The following FCRL5 variants were observed in gnomAD, a reference collection of about 807,000 sequenced individuals.
The protein encoded by FCRL5 is Fc receptor like 5.
Under a neutral mutation model 92.1 loss-of-function variants are expected in FCRL5, and 79 were observed. That is an observed-to-expected ratio of 0.86 (90% CI 0.72 to 1.03). The LOEUF (loss-of-function observed/expected upper bound fraction) is 1.03, where lower values mean the gene tolerates loss of function less well. Among genes scored for constraint, FCRL5 ranks in the 50% least tolerant of loss-of-function variants. The pLI is 0.00. For synonymous variants in FCRL5, 466 were observed against 469.3 expected (o/e 0.99, Z 0.09); for missense variants, 1,160 against 1,181.1 (o/e 0.98, Z 0.26).
intron 6 of FCRL5, among the ~76,000 whole-genome samples, chr1:157,539,981 A>C (rs1383309682): frequency 6.6e-6 from 1 of 152,236 alleles, no homozygotes; most frequent in Non-Finnish European, 1.5e-5. Context: ...TCTTTGGAGA[A>C]GGCAGGGAGC....
intron 8 of FCRL5, chr1:157,534,192 C>T: frequency 2.2e-6 from 1 of 462,758 alleles, no homozygotes; most frequent in South Asian, 2.1e-5. Flanking sequence ...TGTTCACCAG[C>T]AGCTTTCTCC....
intron 10 of FCRL5, chr1:157,523,990 A>C: frequency 4.5e-6 from 2 of 442,598 alleles, no homozygotes; most frequent in Non-Finnish European, 7.9e-6. Flanking sequence ...TTTCATTTTC[A>C]TGTAATAATT....
Position 157,520,562 on chromosome 1 carries a change from C to CT in FCRL5, c.2516-16dup. 1.3e-6 allele frequency: 2 copies of CT among 1,572,468 alleles called. No homozygotes were observed. On this transcript the variant is annotated splice_polypyrimidine_tract_variant and intron_variant, in intron 11 of 16. Coordinates refer to ENST00000361835, the MANE Select transcript of FCRL5 (RefSeq NM_031281.3). ...CGCGGTCAGCCCTGAGGGGGAGACC[C>CT]TGTGTGTGAGCCAGAGGAGAGGCTG...
In FCRL5 at chr1:157,513,842, T is replaced by G. The variant is rs1649813069; in HGVS notation, c.*1833A>C. On this transcript the variant is annotated 3_prime_UTR_variant, in exon 17 of 17. Coordinates refer to ENST00000361835, the MANE Select transcript of FCRL5 (RefSeq NM_031281.3). ...CCTCCAGAACAGACTGTGAGCAGAT[T>G]TTTTTCTTTAATCCTGAGCCTATGC... 1 of 152,212 alleles carries G rather than the reference T, an allele frequency of 6.6e-6. No homozygotes were observed. The highest frequency in any genetic ancestry group is 2.4e-5 in the African/African-American group (1 of 41,458). The allele number at this position is 152,212 out of a possible 1,614,324, so 9.4% of individuals were successfully genotyped here.
intron 7 of FCRL5, among the ~76,000 whole-genome samples, chr1:157,537,783 A>C (rs1651038898): frequency 6.6e-6 from 1 of 152,208 alleles, no homozygotes. Context: ...CACTTAGGGA[A>C]AATAGAAAAG....
At chr1:157,528,849 A>C (rs1450285379) in intron 8 of FCRL5, among the ~76,000 whole-genome samples, 1 of 152,226 alleles carries the variant, frequency 6.6e-6, no homozygotes, top group Non-Finnish European at 1.5e-5. Flanking sequence ...ACCTAAAACC[A>C]TATAAACCCT....
intron 8 of FCRL5, 84 bp downstream of exon 8, chr1:157,534,530 T>C (rs1160330049): frequency 6.6e-6 from 10 of 1,523,034 alleles, no homozygotes; most frequent in Admixed American, 1.7e-5. Context: ...GGGAGGAAAC[T>C]GGACAGTGCA....
chr1:157,532,413 A>C (rs988247672), intron 8 of FCRL5: 1 of 152,188 alleles, frequency 6.6e-6, no homozygotes, highest in African/African-American at 2.4e-5. Flanking sequence ...TTTGAAATCT[A>C]TTACTAATTT....
intron 3 of FCRL5, among the ~76,000 whole-genome samples, chr1:157,545,522 GTTTTTTTTT>G (rs754972248): frequency 1.2e-5 from 1 of 84,940 alleles, no homozygotes; most frequent in African/African-American, 5.0e-5. Flanking sequence ...TCTTTAATGA[GTTTTTTTTT>G]TTTTTTTTTT....
At chr1:157,535,422 C>A (rs1650926165) in intron 7 of FCRL5, among the ~76,000 whole-genome samples, 1 of 152,188 alleles carries the variant, frequency 6.6e-6, no homozygotes, top group South Asian at 2.1e-4. Context: ...TCAGACAATT[C>A]AAAAACAACT....
chr1:157,521,403 T>C (rs1340079675), intron 10 of FCRL5, 111 bp from the exon 11 acceptor site: 4 of 1,298,078 alleles, frequency 3.1e-6, no homozygotes, highest in South Asian at 1.6e-5. Context: ...GGAAAGTAGA[T>C]TAAAACATAG....
At position 157,515,860 on chromosome 1, in the gene FCRL5, G is replaced by A. The variant is rs1169491315; in HGVS notation, c.2826C>T (p.Pro942=). The change falls in exon 16 of 17, where the codon CCC becomes CCT. Residue 942 remains proline (P), a synonymous_variant. Coordinates refer to ENST00000361835, the MANE Select transcript of FCRL5 (RefSeq NM_031281.3). ...GACTCACCTTGTTCCTGAGATGCCT[G>A]GGGTCAGAGGCCACTGTGGAAAGAG... is the stretch of plus-strand genomic sequence containing the variant. ...EKKKHAVASD[P]RHLRNKGSPI... The A allele has an allele frequency of 6.2e-7, 1 of 1,613,952 alleles. No individual in the cohort carries two copies. The highest frequency in any genetic ancestry group is 1.7e-5 in the Admixed American group (1 of 60,034).
At chr1:157,527,477 G>T in intron 9 of FCRL5, 140 bp downstream of exon 9, 1 of 770,204 alleles carries the variant, frequency 1.3e-6, no homozygotes, top group Non-Finnish European at 2.0e-6. Flanking sequence ...AAAACTTAGA[G>T]ATGGAGGCTG....
chr1:157,529,758 T>C (rs1295138162), intron 8 of FCRL5, among the ~76,000 whole-genome samples: 1 of 152,170 alleles, frequency 6.6e-6, no homozygotes, highest in Non-Finnish European at 1.5e-5. Context: ...CAGTGGGAGC[T>C]AAGCTATGAG....
In FCRL5 at chr1:157,527,758, G is replaced by C; in HGVS notation, c.1819C>G (p.Leu607Val). 3 of 1,614,184 alleles carry C rather than the reference G, an allele frequency of 1.9e-6. No homozygotes were observed. The highest frequency in any genetic ancestry group is 2.5e-6 in the Non-Finnish European group (3 of 1,180,034). ...LYWFYHEDVT[L>V]GSSSAPSGGE... Reference sequence around the variant, plus strand: ...CCAGAGGGGGCTGAGCTGCTCCCCAGGGTGACATCCTCATGATAAAACCAG... The same window carrying C: ...CCAGAGGGGGCTGAGCTGCTCCCCACGGTGACATCCTCATGATAAAACCAG... The change falls in exon 9 of 17, where the codon CTG becomes GTG. Residue 607 changes from leucine to valine, a missense_variant. By Grantham distance (32) the Leu-to-Val change is conservative. Transcript: ENST00000361835.
intron 4 of FCRL5, 44 bp downstream of exon 4, chr1:157,544,787 T>C: frequency 6.2e-7 from 1 of 1,610,890 alleles, no homozygotes; most frequent in Non-Finnish European, 8.5e-7. Flanking sequence ...CCCCAAGGAA[T>C]CTCCTTTTGA....
At chr1:157,519,414 G>A (rs1008230354) in intron 13 of FCRL5, among the ~76,000 whole-genome samples, 1 of 152,212 alleles carries the variant, frequency 6.6e-6, no homozygotes, top group African/African-American at 2.4e-5. Context: ...TAGGTTGACT[G>A]AGCTAAGGTC....
chr1:157,524,136 A>C, intron 10 of FCRL5, 143 bp downstream of exon 10: 1 of 750,716 alleles, frequency 1.3e-6, no homozygotes, highest in Non-Finnish European at 2.2e-6. Flanking sequence ...AGACTTTCAC[A>C]GGGAGGTTCT....
chr1:157,518,706 T>C lies in FCRL5; in HGVS notation c.2737A>G (p.Thr913Ala), dbSNP rs1650044722. 5.6e-6 allele frequency: 9 copies of C among 1,612,526 alleles called. No homozygotes were observed. Among genetic ancestry groups the C allele is most frequent in the Non-Finnish European group, 7.6e-6 (9 of 1,179,532 alleles). Reference sequence around the variant, plus strand: ...CAGGATCCTCGGGCCTCACCATTAGTGTACACTGGTTGCAGCTCTTCCCAG... The same window carrying C: ...CAGGATCCTCGGGCCTCACCATTAGCGTACACTGGTTGCAGCTCTTCCCAG... ...PAWEELQPVYTNANPRGENVV... is the reference protein window; with the variant it reads ...PAWEELQPVYANANPRGENVV... The change falls in exon 14 of 17, where the codon ACT becomes GCT. Residue 913 changes from threonine (T) to alanine (A), a missense_variant. Coordinates refer to ENST00000361835, the MANE Select transcript of FCRL5 (RefSeq NM_031281.3).
Sources: allele counts gnomAD v4.1 joint callset (sites outside exome capture counted in the v4.1 genomes callset), GRCh38; gene constraint gnomAD v4.1.1; transcripts MANE v1.5; gene names NCBI Gene and HGNC (gene_info 2026-07-23, HGNC 2026-07-21).